Variants in CCRL2 observed in about 807,000 individuals in gnomAD.
CCRL2 encodes the protein C-C chemokine receptor-like 2.
For synonymous variants in CCRL2, 181 were observed against 165.6 expected (o/e 1.09, Z -0.71); for missense variants, 451 against 412.4 (o/e 1.09, Z -0.81).
chr3:46,407,593 C>T, intron 1 of CCRL2, 91 bp downstream of exon 1: 2 of 1,163,552 alleles, frequency 1.7e-6, no homozygotes, highest in Non-Finnish European at 2.5e-6. Context: ...TTTATTTATA[C>T]CCTTCGAGAG....
rs1415965485 is a variant in CCRL2, at chr3:46,408,832, G to T, written c.753G>T (p.Trp251Cys). The T allele has an allele frequency of 1.9e-6, 3 of 1,614,092 alleles. No individual in the cohort carries two copies. The highest frequency in any genetic ancestry group is 2.5e-6 in the Non-Finnish European group (3 of 1,180,030). Residue 251 changes from tryptophan to cysteine, a missense_variant, in exon 2 of 2, where the codon TGG (tryptophan) becomes TGT (cysteine). By Grantham distance (215) the Trp-to-Cys change is radical (BLOSUM62 -2). Transcript: ENST00000399036. ...TAATGGTAGTCTTCCTTCTGATGTG[G>T]GCGCCCTACAATATTGCATTTTTCC... ...FAIMVVFLLM[W>C]APYNIAFFLS...
Position 46,408,085 on chromosome 3 carries a change from C to T in CCRL2, c.6C>T (p.Ala2=). 6.4e-7 allele frequency: 1 copy of T among 1,571,294 alleles called. No individual in the cohort carries two copies. M[A]NYTLAPEDEY... is the part of the protein sequence containing the mutation. ...CTCCACAGGGCAGTCTGAAGATGGC[C>T]AATTACACGCTGGCACCAGAGGATG... Residue 2 remains alanine, a synonymous_variant, in exon 2 of 2, where the codon GCC becomes GCT. Transcript: ENST00000399036.
intron 1 of CCRL2, 79 bp downstream of exon 1, chr3:46,407,581 C>G: frequency 9.3e-7 from 1 of 1,073,564 alleles, no homozygotes. Context: ...CTTTTGCAAA[C>G]ATTTATTTAT....
Position 46,409,223 on chromosome 3 carries a change from AG to A in CCRL2, c.*112del. 1 of 1,074,004 alleles carries A rather than the reference AG, an allele frequency of 9.3e-7. No individual in the cohort carries two copies. 66.5% of individuals were successfully genotyped at this position (1,074,004 alleles called of 1,614,324 possible). On this transcript the variant is annotated 3_prime_UTR_variant, in exon 2 of 2. Transcript: ENST00000399036. ...ATACAAAATCGGATACAGGAAGAAA[AG>A]GGAGAGGTGAGCTAACATTTGCTAA...
At position 46,409,422 on chromosome 3, in the gene CCRL2, C is replaced by T. The variant is rs979588002; in HGVS notation, c.*308C>T. 1 of 374,714 alleles carries T rather than the reference C, an allele frequency of 2.7e-6. No individual in the cohort carries two copies. The highest frequency in any genetic ancestry group is 4.4e-5 in the Admixed American group (1 of 22,874). The allele number at this position is 374,714 out of a possible 1,614,324, so 23.2% of individuals were successfully genotyped here. On this transcript the variant is annotated 3_prime_UTR_variant, in exon 2 of 2. Transcript: ENST00000399036. Reference sequence around the variant, plus strand: ...CTAGGAAGTGGCAGAACTGATTCTCCAGCCCTGGTAGCATTTGCTCAGAGC... The same window carrying T: ...CTAGGAAGTGGCAGAACTGATTCTCTAGCCCTGGTAGCATTTGCTCAGAGC...
Position 46,407,337 on chromosome 3 carries a change from G to A in CCRL2, c.-178G>A. On this transcript the variant is annotated 5_prime_UTR_variant, in exon 1 of 2. Transcript: ENST00000399036. ...CAGTTGGTCCCTGAGCTCGGTGAGT[G>A]GGGCGGGTAGAGCCACCAGGGGAAT... 1 of 319,176 alleles carries A rather than the reference G, an allele frequency of 3.1e-6. No individual in the cohort carries two copies. The highest frequency in any genetic ancestry group is 5.7e-6 in the Non-Finnish European group (1 of 176,928). 19.8% of individuals were successfully genotyped at this position (319,176 alleles called of 1,614,324 possible).
In CCRL2 at chr3:46,409,031, C is replaced by T. The variant is rs767420503; in HGVS notation, c.952C>T (p.Arg318Cys). Residue 318 changes from arginine to cysteine, a missense_variant, in exon 2 of 2, where the codon CGT becomes TGT. Transcript: ENST00000399036. ...SKYLCRCFHLRSNTPLQPRGQ... is the reference protein window; with the variant it reads ...SKYLCRCFHLCSNTPLQPRGQ... ...ATACCTCTGCCGCTGTTTCCATCTG[C>T]GTAGTAACACCCCACTTCAACCCAG... 8 of 1,614,150 alleles carry T rather than the reference C, an allele frequency of 5.0e-6. No homozygotes were observed. Among genetic ancestry groups the T allele is most frequent in the East Asian group, 2.2e-5 (1 of 44,890 alleles).
chr3:46,408,465 A>C lies in CCRL2; in HGVS notation c.386A>C (p.Tyr129Ser), dbSNP rs766778676. 6.2e-7 allele frequency: 1 copy of C among 1,614,184 alleles called. No homozygotes were observed. Among genetic ancestry groups the C allele is most frequent in the South Asian group, 1.1e-5 (1 of 91,078 alleles). The change falls in exon 2 of 2, where the codon TAC (tyrosine) becomes TCC (serine). Residue 129 changes from tyrosine to serine, a missense_variant. Transcript: ENST00000399036. ...AATTGCCTTCTGACTGTGCAAAGGT[A>C]CCTAGTGTTTTTGCACAAGGGAAAC... Reference protein sequence around the residue: ...FFNCLLTVQRYLVFLHKGNFF... With the variant: ...FFNCLLTVQRSLVFLHKGNFF...
rs1702082304 is a variant in CCRL2 at position 46,408,407 on chromosome 3, T to A, written c.328T>A (p.Tyr110Asn). 6.2e-7 allele frequency: 1 copy of A among 1,614,128 alleles called. No homozygotes were observed. Among genetic ancestry groups the A allele is most frequent in the African/African-American group, 1.3e-5 (1 of 74,952 alleles). ...DPMCKILIGL[Y>N]FVGLYSETFF... ...CATGTGTAAAATTCTCATTGGACTG[T>A]ACTTCGTGGGCCTGTACAGTGAGAC... The change falls in exon 2 of 2, where the codon TAC becomes AAC. Residue 110 changes from tyrosine to asparagine, a missense_variant. Physicochemically the swap from Tyr to Asn is moderately radical, Grantham distance 143. Coordinates refer to ENST00000399036, the MANE Select transcript of CCRL2 (RefSeq NM_003965.5).
At chr3:46,407,747 T>C in intron 1 of CCRL2, 1 of 1,379,360 alleles carries the variant, frequency 7.2e-7, no homozygotes, top group Non-Finnish European at 9.9e-7. Flanking sequence ...ACATATTGTG[T>C]TCATGTAGGC....
chr3:46,408,703 T>C lies in CCRL2; in HGVS notation c.624T>C (p.Val208=). The C allele has an allele frequency of 1.2e-6, 2 of 1,614,228 alleles. No individual in the cohort carries two copies. The highest frequency in any genetic ancestry group is 1.7e-6 in the Non-Finnish European group (2 of 1,180,048). ...TGACTTTAAAAATGAACATTTCGGTTCTTGTCCTCCCCCTATTTATTTTTA... is the reference window on the plus strand; with the variant it reads ...TGACTTTAAAAATGAACATTTCGGTCCTTGTCCTCCCCCTATTTATTTTTA... ...HFLTLKMNIS[V]LVLPLFIFTF... is the part of the protein sequence containing the mutation. The change falls in exon 2 of 2, where the codon GTT becomes GTC. Residue 208 remains valine, a synonymous_variant. Transcript: ENST00000399036.
chr3:46,408,498 C>T lies in CCRL2; in HGVS notation c.419C>T (p.Ser140Leu), dbSNP rs754444148. ...LVFLHKGNFF[S>L]ARRRVPCGII... ...TTTTTGCACAAGGGAAACTTTTTCT[C>T]AGCCAGGAGGAGGGTGCCCTGTGGC... The change falls in exon 2 of 2, where the codon TCA becomes TTA. Residue 140 changes from serine (S) to leucine (L), a missense_variant. Transcript: ENST00000399036. The T allele has an allele frequency of 2.5e-5, 41 of 1,614,112 alleles. No homozygotes were observed. Among genetic ancestry groups the T allele is most frequent in the Middle Eastern group, 1.6e-4 (1 of 6,084 alleles).
In CCRL2 at chr3:46,408,874, A is replaced by C; in HGVS notation, c.795A>C (p.Glu265Asp). Residue 265 changes from glutamate (E) to aspartate (D), a missense_variant, in exon 2 of 2, where the codon GAA becomes GAC. By Grantham distance (45) the Glu-to-Asp change is conservative. Coordinates refer to ENST00000399036, the MANE Select transcript of CCRL2 (RefSeq NM_003965.5). ...CATTTTTCCTGTCCACTTTCAAAGA[A>C]CACTTCTCCCTGAGTGACTGCAAGA... is the stretch of plus-strand genomic sequence containing the variant. Reference protein sequence around the residue: ...NIAFFLSTFKEHFSLSDCKSS... With the variant: ...NIAFFLSTFKDHFSLSDCKSS... 1 of 1,614,196 alleles carries C rather than the reference A, an allele frequency of 6.2e-7. No individual in the cohort carries two copies.
In CCRL2 at chr3:46,408,589, T is replaced by C; in HGVS notation, c.510T>C (p.Tyr170=). The C allele has an allele frequency of 6.2e-7, 1 of 1,614,160 alleles. No individual in the cohort carries two copies. Among genetic ancestry groups the C allele is most frequent in the Non-Finnish European group, 8.5e-7 (1 of 1,179,976 alleles). The change falls in exon 2 of 2, where the codon TAT becomes TAC. Residue 170 remains tyrosine (Y), a synonymous_variant. Coordinates refer to ENST00000399036, the MANE Select transcript of CCRL2 (RefSeq NM_003965.5). ...CCACTTTGCCTGAATTCGTGGTTTA[T>C]AAACCTCAGATGGAAGACCAGAAAT... ...ILATLPEFVV[Y]KPQMEDQKYK... is the part of the protein sequence containing the mutation.
chr3:46,408,679 G>A lies in CCRL2; in HGVS notation c.600G>A (p.Leu200=). ...PADETFWKHF[L]TLKMNISVLV... ...ATGAGACATTCTGGAAGCATTTTCTGACTTTAAAAATGAACATTTCGGTTC... is the reference window on the plus strand; with the variant it reads ...ATGAGACATTCTGGAAGCATTTTCTAACTTTAAAAATGAACATTTCGGTTC... Residue 200 remains leucine, a synonymous_variant, in exon 2 of 2, where the codon CTG becomes CTA. Transcript: ENST00000399036. The A allele has an allele frequency of 3.1e-6, 5 of 1,614,158 alleles. No homozygotes were observed. Among genetic ancestry groups the A allele is most frequent in the Non-Finnish European group, 4.2e-6 (5 of 1,180,034 alleles).
rs376780303 is a variant in CCRL2, at chr3:46,408,126, T to C, written c.47T>C (p.Ile16Thr). The C allele has an allele frequency of 9.2e-5, 148 of 1,603,718 alleles. No individual in the cohort carries two copies. The highest frequency in any genetic ancestry group is 1.2e-4 in the Non-Finnish European group (137 of 1,175,134). The stretch of plus-strand genomic sequence containing the variant: ...CCAGAGGATGAATATGATGTCCTCA[T>C]AGAAGGTGAACTGGAGAGCGATGAG... ...LAPEDEYDVL[I>T]EGELESDEAE... Residue 16 changes from isoleucine (I) to threonine (T), a missense_variant, in exon 2 of 2, where the codon ATA becomes ACA. Ile to Thr is a moderately conservative substitution (Grantham distance 89). Coordinates refer to ENST00000399036, the MANE Select transcript of CCRL2 (RefSeq NM_003965.5).
Position 46,408,661 on chromosome 3 carries a change from A to T in CCRL2, c.582A>T (p.Thr194=). The T allele has an allele frequency of 6.2e-7, 1 of 1,614,196 alleles. No individual in the cohort carries two copies. ...CTCCCTTCCTGCCAGCTGATGAGAC[A>T]TTCTGGAAGCATTTTCTGACTTTAA... is the stretch of plus-strand genomic sequence containing the variant. ...SRTPFLPADE[T]FWKHFLTLKM... The change falls in exon 2 of 2, where the codon ACA becomes ACT. Residue 194 remains threonine, a synonymous_variant. Coordinates refer to ENST00000399036, the MANE Select transcript of CCRL2 (RefSeq NM_003965.5).
At position 46,407,313 on chromosome 3, in the gene CCRL2, A is replaced by G. The variant is rs1702059993; in HGVS notation, c.-202A>G. 1 of 266,072 alleles carries G rather than the reference A, an allele frequency of 3.8e-6. No homozygotes were observed. Among genetic ancestry groups the G allele is most frequent in the Non-Finnish European group, 7.0e-6 (1 of 143,008 alleles). 16.5% of individuals were successfully genotyped at this position (266,072 alleles called of 1,614,324 possible). A position where few individuals can be genotyped will look rare whatever the true frequency, so the allele number is the denominator to read the frequency against. On this transcript the variant is annotated 5_prime_UTR_variant, in exon 1 of 2. Coordinates refer to ENST00000399036, the MANE Select transcript of CCRL2 (RefSeq NM_003965.5). ...GGGGAGCTTTTGAGTACTTTATTTC[A>G]GTTGGTCCCTGAGCTCGGTGAGTGG...
rs2106791225 is a variant in CCRL2 at position 46,409,055 on chromosome 3, A to T, written c.976A>T (p.Arg326Trp). The change falls in exon 2 of 2, where the codon AGG becomes TGG. Residue 326 changes from arginine (R) to tryptophan (W), a missense_variant. Transcript: ENST00000399036. ...GCGTAGTAACACCCCACTTCAACCC[A>T]GGGGGCAGTCTGCACAAGGCACATC... ...HLRSNTPLQPRGQSAQGTSRE... is the reference protein window; with the variant it reads ...HLRSNTPLQPWGQSAQGTSRE... 3 of 1,614,170 alleles carry T rather than the reference A, an allele frequency of 1.9e-6. No individual in the cohort carries two copies. The highest frequency in any genetic ancestry group is 2.5e-6 in the Non-Finnish European group (3 of 1,180,026).
Sources: gnomAD v4.1 joint callset for allele counts on GRCh38, gnomAD v4.1.1 for gene constraint, MANE v1.5 for transcripts, NCBI Gene and HGNC (gene_info 2026-07-23, HGNC 2026-07-21) for gene names.